Variants in SHISA9 observed in about 807,000 individuals in gnomAD.
The protein encoded by SHISA9 is shisa family member 9.
In SHISA9, 13 loss-of-function variants were observed where a neutral mutation model predicts 38.0. The observed-to-expected ratio is 0.34, with a 90% CI of 0.22 to 0.54. The LOEUF is 0.54. Ranked by LOEUF, SHISA9 falls within the 20% of genes least tolerant of loss-of-function variation. The pLI, the probability that SHISA9 is intolerant of heterozygous loss-of-function variation, is 0.91. For synonymous variants in SHISA9, 275 were observed against 242.0 expected, an observed-to-expected ratio of 1.14 and a Z score of -1.27; for missense variants, 538 against 575.8, an observed-to-expected ratio of 0.93 and a Z score of 0.67.
rs150627406 is a variant in SHISA9, at chr16:13,077,498, G to A, written c.692-125896G>A. On this transcript the variant is annotated intron_variant, in intron 2 of 4. Transcript: ENST00000558583. ...GCCCAATCAGGAATGGCCATGAAGT[G>A]GGGCTTTTTAGTATAAAAATGACCC... is the stretch of plus-strand genomic sequence containing the variant. Among the ~76,000 whole-genome samples the A allele has an allele frequency of 1.1e-4, 16 of 152,228 alleles. No individual in the cohort carries two copies. In the East Asian group the frequency reaches 2.7e-3, roughly 26 times the overall value.
chr16:13,397,040 A>G, the SHISA9 span, among the ~76,000 whole-genome samples: 10 of 152,172 alleles, frequency 6.6e-5, no homozygotes, highest in African/African-American at 2.2e-4. Flanking sequence ...GACCTTTATG[A>G]TGATCCACTT....
Position 13,165,253 on chromosome 16 carries a change from T to C in SHISA9, c.692-38141T>C, listed in dbSNP as rs2050625927. On this transcript the variant is annotated intron_variant, in intron 2 of 4. Coordinates refer to ENST00000558583, the MANE Select transcript of SHISA9 (RefSeq NM_001145204.3). ...TCACGTGATGCATTCCACAGTTCAG[T>C]CATGCTCTTTTCATATTTTGCTGTC... is the stretch of plus-strand genomic sequence containing the variant. Among the ~76,000 whole-genome samples, 2 of 152,340 alleles carry C rather than the reference T, an allele frequency of 1.3e-5. 1 individual carries two copies. The highest frequency in any genetic ancestry group is 6.8e-3 in the Middle Eastern group (2 of 294).
chr16:13,235,535 A>C lies in SHISA9; in HGVS notation c.*126A>C. The C allele has an allele frequency of 1.7e-6, 2 of 1,177,948 alleles. No individual in the cohort carries two copies. The highest frequency in any genetic ancestry group is 2.6e-5 in the East Asian group (1 of 38,564). The allele number at this position is 1,177,948 out of a possible 1,614,324, so 73.0% of individuals were successfully genotyped here. On this transcript the variant is annotated 3_prime_UTR_variant, in exon 5 of 5. Coordinates refer to ENST00000558583, the MANE Select transcript of SHISA9 (RefSeq NM_001145204.3). ...ACACACTCACTCTCAACAAGAACCA[A>C]CTCTAAACCTACTGGGGACACAGAG...
the SHISA9 span, among the ~76,000 whole-genome samples, chr16:13,315,082 T>A: frequency 1.7e-4 from 7 of 40,838 alleles, no homozygotes; most frequent in Admixed American, 3.7e-4. Context: ...CCTTGTCAAA[T>A]AGAACCTGCT....
chr16:13,334,544 G>A, the SHISA9 span, among the ~76,000 whole-genome samples: 3 of 152,130 alleles, frequency 2.0e-5, no homozygotes, highest in East Asian at 1.9e-4. Flanking sequence ...GGAGGCTGAG[G>A]TGGGAGGATC....
chr16:13,355,695 A>G, the SHISA9 span, among the ~76,000 whole-genome samples: 10 of 152,164 alleles, frequency 6.6e-5, no homozygotes, highest in Non-Finnish European at 1.5e-4. Flanking sequence ...GCCCTTGAAA[A>G]GAAGGTAATG....
chr16:13,344,512 T>C, the SHISA9 span, among the ~76,000 whole-genome samples: 4 of 152,120 alleles, frequency 2.6e-5, no homozygotes, highest in Non-Finnish European at 5.9e-5. Context: ...AAAATTATTT[T>C]CTAAAGATCA....
chr16:13,463,907 A>G, the SHISA9 span, among the ~76,000 whole-genome samples: 2 of 152,216 alleles, frequency 1.3e-5, no homozygotes, highest in Non-Finnish European at 2.9e-5. Flanking sequence ...ACTTTCATCT[A>G]ATTGCTTCAC....
chr16:13,437,324 A>G, the SHISA9 span, among the ~76,000 whole-genome samples: 1 of 152,184 alleles, frequency 6.6e-6, no homozygotes, highest in South Asian at 2.1e-4. Flanking sequence ...CTGGGGAGAA[A>G]AGAGATTTCT....
At chr16:13,526,606 G>A in the SHISA9 span, among the ~76,000 whole-genome samples, 5 of 151,998 alleles carry the variant, frequency 3.3e-5, no homozygotes, top group South Asian at 4.1e-4. Context: ...GGCTGGTCTC[G>A]AACCCCTGAT....
At chr16:13,359,897 A>G in the SHISA9 span, among the ~76,000 whole-genome samples, 2 of 152,202 alleles carry the variant, frequency 1.3e-5, no homozygotes, top group African/African-American at 4.8e-5. Flanking sequence ...CTAGAAGCCT[A>G]GGATTCATGT....
At chr16:13,215,134 A>C (rs1049216598) in intron 4 of SHISA9, among the ~76,000 whole-genome samples, 3 of 152,096 alleles carry the variant, frequency 2.0e-5, no homozygotes, top group African/African-American at 7.2e-5. Flanking sequence ...GAGACTACAA[A>C]AAGTACTGAG....
At chr16:13,316,015 T>TA in the SHISA9 span, among the ~76,000 whole-genome samples, 3,814 of 146,542 alleles carry the variant, frequency 0.026, 62 homozygotes, top group Middle Eastern at 0.046. Context: ...TCATTACAAT[T>TA]AAAAAAAAAA....
chr16:13,079,036 T>C (rs1206514728), intron 2 of SHISA9, among the ~76,000 whole-genome samples: 1 of 152,212 alleles, frequency 6.6e-6, no homozygotes, highest in East Asian at 1.9e-4. Flanking sequence ...GTGTGAGTTA[T>C]TTAATCCCTC....
the SHISA9 span, among the ~76,000 whole-genome samples, chr16:13,535,437 A>G: frequency 6.6e-6 from 1 of 151,984 alleles, no homozygotes; most frequent in South Asian, 2.1e-4. Flanking sequence ...CTTCATTATA[A>G]CTCTTATAGC....
intron 2 of SHISA9, among the ~76,000 whole-genome samples, chr16:13,023,251 T>C (rs1461270493): frequency 6.6e-6 from 1 of 152,164 alleles, no homozygotes; most frequent in Non-Finnish European, 1.5e-5. Flanking sequence ...TTCCCACCTA[T>C]GAGTGAGAAC....
chr16:13,124,078 A>G (rs534923545), intron 2 of SHISA9, among the ~76,000 whole-genome samples: 2 of 152,310 alleles, frequency 1.3e-5, no homozygotes, highest in South Asian at 4.1e-4. Context: ...AGCCCTTGGT[A>G]TACAGGTGAC....
At chr16:13,207,933 C>T (rs1160851764) in intron 3 of SHISA9, among the ~76,000 whole-genome samples, 1 of 152,188 alleles carries the variant, frequency 6.6e-6, no homozygotes, top group Non-Finnish European at 1.5e-5. Context: ...CTAAATATTT[C>T]AATCCAGAGA....
intron 2 of SHISA9, among the ~76,000 whole-genome samples, chr16:13,103,510 A>G (rs1382476474): frequency 6.6e-6 from 1 of 152,224 alleles, no homozygotes; most frequent in African/African-American, 2.4e-5. Flanking sequence ...TTGCAGAGCC[A>G]CAAGAATCTC....
Sources: allele counts gnomAD v4.1 joint callset (sites outside exome capture counted in the v4.1 genomes callset), GRCh38; gene constraint gnomAD v4.1.1; transcripts MANE v1.5; gene names NCBI Gene and HGNC (gene_info 2026-07-23, HGNC 2026-07-21).